PSMG2: variants seen among roughly 807,000 people sequenced by gnomAD.
PSMG2 encodes the protein CD40 ligand-activated specific transcript 3.
Under a neutral mutation model 31.5 loss-of-function variants are expected in PSMG2, and 21 were observed. The observed-to-expected ratio is 0.67, with a 90% confidence interval of 0.47 to 0.96. The LOEUF (loss-of-function observed/expected upper bound fraction) is 0.96, where lower values mean the gene tolerates loss of function less well. Ranked by LOEUF, PSMG2 falls within the 40% of genes least tolerant of loss-of-function variation. The pLI is 0.00. For missense variants in PSMG2, 318 were observed against 321.2 expected (o/e 0.99, Z 0.08); for synonymous variants, 120 against 110.4 (o/e 1.09, Z -0.54).
chr18:12,688,287 T>C (rs2039621405), intron 1 of PSMG2, among the ~76,000 whole-genome samples: 1 of 151,046 alleles, frequency 6.6e-6, no homozygotes, highest in Non-Finnish European at 1.5e-5. Flanking sequence ...CTGTAACTTA[T>C]TTTAAAGTTT....
chr18:12,659,655 G>A (rs2038654293), intron 1 of PSMG2, among the ~76,000 whole-genome samples: 1 of 152,140 alleles, frequency 6.6e-6, no homozygotes, highest in Non-Finnish European at 1.5e-5. Flanking sequence ...GGGGGACAGA[G>A]CGAGAGTCTG....
chr18:12,702,796 C>G, upstream of PSMG2: 1 of 569,226 alleles, frequency 1.8e-6, no homozygotes, highest in Non-Finnish European at 3.0e-6. Flanking sequence ...CTGGCCCGCA[C>G]GCTGCCTGAT....
chr18:12,712,935 A>G (rs1259797242), intron 3 of PSMG2, among the ~76,000 whole-genome samples, 175 bp downstream of exon 3: 1 of 152,202 alleles, frequency 6.6e-6, no homozygotes, highest in Non-Finnish European at 1.5e-5. Context: ...TTTCATGATT[A>G]TATAGAAAGG....
intron 5 of PSMG2, among the ~76,000 whole-genome samples, chr18:12,722,566 A>T (rs1027780334): frequency 6.6e-6 from 1 of 152,186 alleles, no homozygotes; most frequent in Non-Finnish European, 1.5e-5. Context: ...GGTTAGCTAT[A>T]AGCTTGCCCA....
At chr18:12,704,786 A>G (rs992535505) in intron 1 of PSMG2, among the ~76,000 whole-genome samples, 4 of 152,148 alleles carry the variant, frequency 2.6e-5, no homozygotes, top group African/African-American at 9.7e-5. Flanking sequence ...TGTGAGGAAA[A>G]GAAGGATGGT....
At chr18:12,690,375 A>T (rs77907473) in intron 1 of PSMG2, among the ~76,000 whole-genome samples, 6 of 152,196 alleles carry the variant, frequency 3.9e-5, no homozygotes, top group African/African-American at 1.2e-4. Flanking sequence ...ATATGAAAGC[A>T]TCTGTATGAG....
intron 1 of PSMG2, chr18:12,674,729 C>T (rs770309334): frequency 3.1e-6 from 5 of 1,613,704 alleles, no homozygotes; most frequent in Non-Finnish European, 4.2e-6. Flanking sequence ...AGCTGGTCTT[C>T]CCAAACAGTA....
intron 1 of PSMG2, among the ~76,000 whole-genome samples, chr18:12,683,186 CAA>C (rs765652085): frequency 9.4e-5 from 6 of 63,650 alleles, no homozygotes; most frequent in Non-Finnish European, 1.2e-4. Flanking sequence ...CTAAAAATAC[CAA>C]AAAAAAAAAA....
upstream of PSMG2, chr18:12,701,136 A>G: frequency 1.3e-6 from 2 of 1,585,300 alleles, no homozygotes; most frequent in Non-Finnish European, 1.7e-6. Context: ...CTCATATTAC[A>G]ATTTATAACA....
chr18:12,725,362 A>G (rs1433925423), intron 6 of PSMG2, 77 bp from the exon 7 acceptor site: 4 of 1,162,124 alleles, frequency 3.4e-6, no homozygotes, highest in East Asian at 5.3e-5. Flanking sequence ...ACACAAAAGG[A>G]GAGTTTTATA....
chr18:12,686,349 G>T, intron 1 of PSMG2: 1 of 1,614,048 alleles, frequency 6.2e-7, no homozygotes, highest in Non-Finnish European at 8.5e-7. Context: ...CATAACCAAG[G>T]ACATTAACAA....
At chr18:12,685,194 T>TTC (rs1218421598) in intron 1 of PSMG2, 3 of 151,978 alleles carry the variant, frequency 2.0e-5, no homozygotes, top group African/African-American at 7.3e-5. Context: ...GAGACGGAGT[T>TTC]TCTCCACGTT....
intron 1 of PSMG2, among the ~76,000 whole-genome samples, chr18:12,695,048 G>A (rs1039781992): frequency 1.3e-5 from 2 of 152,104 alleles, no homozygotes; most frequent in East Asian, 1.9e-4. Context: ...AATGTTCATC[G>A]TATTTCCTAA....
chr18:12,665,557 C>T (rs1216372399), intron 1 of PSMG2, among the ~76,000 whole-genome samples: 1 of 152,172 alleles, frequency 6.6e-6, no homozygotes, highest in Admixed American at 6.5e-5. Context: ...AACCCTCGCT[C>T]CTACTCTCGA....
In PSMG2 at chr18:12,660,320, A is replaced by ATT. The variant is rs11433721; in HGVS notation, c.-37+1562_-37+1563dup. Reference sequence around the variant, plus strand: ...CCCTCTAATCAATGGAAAAAGATGCATTTTTTTTTTTTTTTTAATTGAGAC... The same window carrying ATT: ...CCCTCTAATCAATGGAAAAAGATGCATTTTTTTTTTTTTTTTTTAATTGAGAC... On this transcript the variant is annotated intron_variant, in intron 1 of 6. Transcript: ENST00000585331. Among the ~76,000 whole-genome samples the ATT allele has an allele frequency of 1.5e-3, 219 of 142,132 alleles. 1 individual carries two copies. The highest frequency in any genetic ancestry group is 3.7e-3 in the African/African-American group (142 of 38,512). 93.2% of individuals were successfully genotyped at this position (142,132 alleles called of 152,430 possible).
At chr18:12,718,339 C>A (rs2145148086) in intron 3 of PSMG2, among the ~76,000 whole-genome samples, 178 bp from the exon 4 acceptor site, 1 of 152,296 alleles carries the variant, frequency 6.6e-6, no homozygotes, top group Non-Finnish European at 1.5e-5. Context: ...TTAGATAATT[C>A]ATTGCTCTTT....
At chr18:12,698,730 T>C (rs1350171529), upstream of PSMG2, 2 of 490,470 alleles carry the variant, frequency 4.1e-6, no homozygotes, top group East Asian at 6.8e-5. Context: ...ACATAATAGG[T>C]ATTTAAGTGT....
In PSMG2 at chr18:12,694,364, C is replaced by A. The variant is rs141149152; in HGVS notation, c.-36-12186C>A. Among the ~76,000 whole-genome samples the A allele has an allele frequency of 1.4e-3, 213 of 152,244 alleles. 1 individual carries two copies. Among genetic ancestry groups the A allele is most frequent in the Middle Eastern group, 0.014 (4 of 294 alleles). On this transcript the variant is annotated intron_variant, in intron 1 of 6. Coordinates refer to the PSMG2 transcript ENST00000585331. ...GTGTATGTAATCAAGGAGAACCATTCCACAAGTGCCATCCCGGCAAGTCAG... is the reference window on the plus strand; with the variant it reads ...GTGTATGTAATCAAGGAGAACCATTACACAAGTGCCATCCCGGCAAGTCAG...
intron 1 of PSMG2, among the ~76,000 whole-genome samples, chr18:12,660,033 A>G (rs1448905837): frequency 6.6e-6 from 1 of 152,232 alleles, no homozygotes; most frequent in African/African-American, 2.4e-5. Context: ...TATGGACAAC[A>G]CTACCACCTC....
Sources: allele counts gnomAD v4.1 joint callset (sites outside exome capture counted in the v4.1 genomes callset), GRCh38; gene constraint gnomAD v4.1.1; transcripts MANE v1.5; gene names NCBI Gene and HGNC (gene_info 2026-07-23, HGNC 2026-07-21).